The following OXNAD1 variants were observed in gnomAD, a reference collection of about 807,000 sequenced individuals.
OXNAD1 encodes the protein oxidoreductase NAD binding domain containing 1.
In OXNAD1, 34 loss-of-function variants were observed where a neutral mutation model predicts 32.9. The ratio of observed to expected loss-of-function variants is 1.03; its 90% CI spans 0.79 to 1.38. The LOEUF (loss-of-function observed/expected upper bound fraction) is 1.38. Among genes scored for constraint, OXNAD1 ranks in the 40% most tolerant of loss-of-function variants. The pLI is 0.00. For synonymous variants in OXNAD1, 134 were observed against 135.2 expected (o/e 0.99, Z 0.06); for missense variants, 407 against 379.4 (o/e 1.07, Z -0.60).
chr3:16,323,626 T>C (rs1324553680), intron 9 of OXNAD1, among the ~76,000 whole-genome samples: 1 of 152,186 alleles, frequency 6.6e-6, no homozygotes, highest in African/African-American at 2.4e-5. Context: ...CCAACCTTGC[T>C]TCCGAGGGGC....
chr3:16,271,242 C>A lies in OXNAD1; in HGVS notation c.119+171C>A. On this transcript the variant is annotated intron_variant, in intron 3 of 8. Transcript: ENST00000285083. The surrounding 1 kb of genome is among the most constrained non-coding windows in gnomAD (Gnocchi z 4.6). ...TGTCTGAGATGGAGTCTTGCTCCGT[C>A]GCCTGGGCTGGAGTGCAGTGGCACG... The A allele has an allele frequency of 5.1e-6, 4 of 784,328 alleles. No homozygotes were observed. Among genetic ancestry groups the A allele is most frequent in the Non-Finnish European group, 8.0e-6 (4 of 502,942 alleles). The allele number at this position is 784,328 out of a possible 1,614,324, so 48.6% of individuals were successfully genotyped here. A position where few individuals can be genotyped will look rare whatever the true frequency, so the allele number is the denominator to read the frequency against.
At chr3:16,324,734 C>T (rs1192674648) in intron 9 of OXNAD1, among the ~76,000 whole-genome samples, 1 of 144,532 alleles carries the variant, frequency 6.9e-6, no homozygotes, top group Non-Finnish European at 1.5e-5. Context: ...ATGAGGGACA[C>T]CTAAGTTGTT....
Position 16,329,788 on chromosome 3 carries a change from C to T in OXNAD1, c.*31-7324C>T, listed in dbSNP as rs1414367018. ...ACTTTATCAAGCACTGTGACAAACC[C>T]GCCACAATCAGACAGTAGCCATGGC... On this transcript the variant is annotated intron_variant, in intron 9 of 9. Transcript: ENST00000435829. The surrounding 1 kb of genome is among the most constrained non-coding windows in gnomAD (Gnocchi z 4.5). Among the ~76,000 whole-genome samples, 3 of 152,142 alleles carry T rather than the reference C, an allele frequency of 2.0e-5. No individual in the cohort carries two copies. Among genetic ancestry groups the T allele is most frequent in the Non-Finnish European group, 4.4e-5 (3 of 68,042 alleles).
intron 9 of OXNAD1, among the ~76,000 whole-genome samples, chr3:16,333,130 G>C (rs1450379032): frequency 1.3e-5 from 2 of 152,186 alleles, no homozygotes; most frequent in African/African-American, 4.8e-5. Flanking sequence ...TAGCATTCCT[G>C]CACTTAGGAA....
chr3:16,294,805 C>T (rs777677254), intron 5 of OXNAD1, 51 bp from the exon 6 acceptor site: 32 of 1,525,476 alleles, frequency 2.1e-5, no homozygotes, highest in South Asian at 9.1e-5. Flanking sequence ...TTTAATTTAC[C>T]AATTTTTAAA....
rs1177698195 is a variant in OXNAD1 at position 16,327,741 on chromosome 3, A to C, written c.*31-9371A>C. On this transcript the variant is annotated intron_variant, in intron 9 of 9. Transcript: ENST00000435829. This position sits in a 1 kb window ranked among gnomAD's most constrained non-coding sequence, Gnocchi z 4.2. The stretch of plus-strand genomic sequence containing the variant: ...GCACCACTGCACTCCAGCCTGGGTG[A>C]CAGAGCGGGATTCCCATCTCAAAAA... Among the ~76,000 whole-genome samples, 4 of 149,966 alleles carry C rather than the reference A, an allele frequency of 2.7e-5. No homozygotes were observed. Among genetic ancestry groups the C allele is most frequent in the Non-Finnish European group, 1.5e-5 (1 of 67,518 alleles).
chr3:16,266,776 T>TTTAG (rs1300102980), intron 1 of OXNAD1, among the ~76,000 whole-genome samples: 1 of 152,160 alleles, frequency 6.6e-6, no homozygotes, highest in Non-Finnish European at 1.5e-5. Context: ...TAGGATTGAT[T>TTTAG]TTAGTAACAC....
chr3:16,273,094 CTAG>C (rs1033910176), intron 4 of OXNAD1, among the ~76,000 whole-genome samples: 17 of 152,126 alleles, frequency 1.1e-4, no homozygotes, highest in Non-Finnish European at 2.1e-4. Context: ...TAATAATTTG[CTAG>C]TCCCTGAATT....
At position 16,322,117 on chromosome 3, in the gene OXNAD1, G is replaced by A. The variant is rs1452428091; in HGVS notation, c.*31-14995G>A. Among the ~76,000 whole-genome samples, 1 of 152,238 alleles carries A rather than the reference G, an allele frequency of 6.6e-6. No homozygotes were observed. Among genetic ancestry groups the A allele is most frequent in the African/African-American group, 2.4e-5 (1 of 41,456 alleles). On this transcript the variant is annotated intron_variant, in intron 9 of 9. Coordinates refer to the OXNAD1 transcript ENST00000435829. This position sits in a 1 kb window ranked among gnomAD's most constrained non-coding sequence, Gnocchi z 6.2. ...GCAGTTCCCGTGAGCCTGTGGCTGAGCTGAAACTGACAGCGCTCTGCAGCC... is the reference window on the plus strand; with the variant it reads ...GCAGTTCCCGTGAGCCTGTGGCTGAACTGAAACTGACAGCGCTCTGCAGCC...
At chr3:16,351,550 A>C (rs1438492527), downstream of OXNAD1, among the ~76,000 whole-genome samples, 1 of 152,218 alleles carries the variant, frequency 6.6e-6, no homozygotes, top group African/African-American at 2.4e-5. The surrounding 1 kb of genome is among the most constrained non-coding windows in gnomAD (Gnocchi z 5.4). Flanking sequence ...ACCCTAAGCC[A>C]TTCTACCTGA....
At chr3:16,337,368 T>G (rs767555583), downstream of OXNAD1, 1 of 152,228 alleles carries the variant, frequency 6.6e-6, no homozygotes, top group African/African-American at 2.4e-5. The surrounding 1 kb of genome is among the most constrained non-coding windows in gnomAD (Gnocchi z 5.0). Flanking sequence ...AGAAGCTAAC[T>G]GGTGTATTAC....
In OXNAD1 at chr3:16,303,434, A is replaced by G. The variant is rs1402598742; in HGVS notation, c.811A>G (p.Arg271Gly). Residue 271 changes from arginine (R) to glycine (G), a missense_variant, in exon 9 of 9, where the codon AGA (arginine) becomes GGA (glycine). By Grantham distance (125) the Arg-to-Gly change is moderately radical. Transcript: ENST00000285083. This position sits in a 1 kb window ranked among gnomAD's most constrained non-coding sequence, Gnocchi z 4.8. Reference sequence around the variant, plus strand: ...AGGAAGAATAACGGAGAAGGAGATAAGAGATCATATTTCAAAAGAGACTTT... The same window carrying G: ...AGGAAGAATAACGGAGAAGGAGATAGGAGATCATATTTCAAAAGAGACTTT... ...TEGRITEKEI[R>G]DHISKETLFY... is the part of the protein sequence containing the mutation. The G allele has an allele frequency of 8.1e-6, 13 of 1,613,886 alleles. No individual in the cohort carries two copies. The highest frequency in any genetic ancestry group is 1.3e-5 in the African/African-American group (1 of 74,914).
chr3:16,326,213 T>G (rs1421890043), intron 9 of OXNAD1, among the ~76,000 whole-genome samples: 1 of 152,196 alleles, frequency 6.6e-6, no homozygotes, highest in South Asian at 2.1e-4. Flanking sequence ...AGTGGACAAA[T>G]GAGCATGAAC....
intron 9 of OXNAD1, among the ~76,000 whole-genome samples, chr3:16,315,242 A>C (rs2068262247): frequency 1.3e-5 from 2 of 152,022 alleles, no homozygotes; most frequent in Non-Finnish European, 2.9e-5. Context: ...CAGCCTCCCG[A>C]GTAGCTGAGA....
chr3:16,302,608 TGTA>T lies in OXNAD1; in HGVS notation c.676-29_676-27del, dbSNP rs753276995. The T allele has an allele frequency of 6.7e-7, 1 of 1,481,572 alleles. No homozygotes were observed. Among genetic ancestry groups the T allele is most frequent in the African/African-American group, 1.4e-5 (1 of 71,700 alleles). 91.8% of individuals were successfully genotyped at this position (1,481,572 alleles called of 1,614,324 possible). On this transcript the variant is annotated intron_variant, in intron 7 of 8. Transcript: ENST00000285083. This position sits in a 1 kb window ranked among gnomAD's most constrained non-coding sequence, Gnocchi z 4.2. Reference sequence around the variant, plus strand: ...CACATCTGTTTTGATTTTTTAAAATTGTAGTGTGACCAAATATGTTTGACATTC... The same window carrying T: ...CACATCTGTTTTGATTTTTTAAAATTGTGTGACCAAATATGTTTGACATTC...
chr3:16,326,869 T>TGGGG (rs2125226196), intron 9 of OXNAD1: 1 of 1,613,556 alleles, frequency 6.2e-7, no homozygotes, highest in East Asian at 2.2e-5. Flanking sequence ...TGTCTGCACT[T>TGGGG]CGACACCCTG....
chr3:16,310,991 CA>C (rs1003070321), downstream of OXNAD1, among the ~76,000 whole-genome samples: 1,170 of 57,552 alleles, frequency 0.02, 8 homozygotes, highest in South Asian at 0.046. Context: ...ACTCAGTCTC[CA>C]AAAAAAAAAA....
chr3:16,289,460 A>G lies in OXNAD1; in HGVS notation c.290+3012A>G, dbSNP rs2066284347. Among the ~76,000 whole-genome samples the G allele has an allele frequency of 6.6e-6, 1 of 152,238 alleles. No individual in the cohort carries two copies. The highest frequency in any genetic ancestry group is 1.5e-5 in the Non-Finnish European group (1 of 68,042). On this transcript the variant is annotated intron_variant, in intron 5 of 8. Coordinates refer to ENST00000285083, the MANE Select transcript of OXNAD1 (RefSeq NM_138381.5). This position sits in a 1 kb window ranked among gnomAD's most constrained non-coding sequence, Gnocchi z 4.9. ...TGTGTCTGACTTTCTACAAGATAAC[A>G]TAAGTTTAGATGCTAGAAAGCAACT...
At chr3:16,294,748 A>T in intron 5 of OXNAD1, 108 bp from the exon 6 acceptor site, 1 of 1,076,672 alleles carries the variant, frequency 9.3e-7, no homozygotes, top group Admixed American at 2.6e-5. Context: ...TTTATTCTTG[A>T]TTTTAGTAAT....
Sources: allele counts gnomAD v4.1 joint callset (sites outside exome capture counted in the v4.1 genomes callset), GRCh38; gene constraint gnomAD v4.1.1; non-coding constraint Gnocchi (gnomAD v3.1); transcripts MANE v1.5; gene names NCBI Gene and HGNC (gene_info 2026-07-23, HGNC 2026-07-21).